KIF14: variants seen among roughly 807,000 people sequenced by gnomAD.
KIF14 encodes the protein kinesin family member 14.
In KIF14, 98 loss-of-function variants were observed where a neutral mutation model predicts 176.2. That is an observed-to-expected ratio of 0.56 (90% CI 0.47 to 0.66). The LOEUF is 0.66. KIF14 is among the 30% of genes least tolerant of loss of function. The pLI, the probability that KIF14 is intolerant of heterozygous loss-of-function variation, is 0.00. For missense variants in KIF14, 1,751 were observed against 1,920.4 expected, an observed-to-expected ratio of 0.91 and a Z score of 1.65; for synonymous variants, 566 against 632.2, an observed-to-expected ratio of 0.90 and a Z score of 1.57.
At chr1:200,554,647 G>A in intron 28 of KIF14, 41 bp from the exon 29 acceptor site, 3 of 1,020,312 alleles carry the variant, frequency 2.9e-6, no homozygotes, top group Non-Finnish European at 4.4e-6. Context: ...TACATTAACA[G>A]GCTCAATGGC....
intron 22 of KIF14, among the ~76,000 whole-genome samples, chr1:200,571,939 A>G (rs941712596): frequency 2.0e-5 from 3 of 152,230 alleles, no homozygotes; most frequent in Non-Finnish European, 4.4e-5. Flanking sequence ...TTAATTGTCA[A>G]CAGTATGTAT....
rs202228896 is a variant in KIF14 at position 200,583,229 on chromosome 1, T to TA, written c.3242-1936_3242-1935insT. Among the ~76,000 whole-genome samples, 949 of 152,056 alleles carry TA rather than the reference T, an allele frequency of 6.2e-3. 8 individuals are homozygous for TA. The highest frequency in any genetic ancestry group is 0.022 in the South Asian group (108 of 4,816). ...GATTCAAACAAATCAAGTTTTTTTT[T>TA]TAAAAAAAGGATGAAACAATCCAGG... On this transcript the variant is annotated intron_variant, in intron 19 of 29. Coordinates refer to ENST00000367350, the MANE Select transcript of KIF14 (RefSeq NM_014875.3).
At chr1:200,604,051 C>CT in intron 8 of KIF14, 96 bp from the exon 9 acceptor site, 1 of 729,538 alleles carries the variant, frequency 1.4e-6, no homozygotes, top group Non-Finnish European at 2.4e-6. Context: ...ACACATCACT[C>CT]TTTTATTTTT....
In KIF14 at chr1:200,618,413, A is replaced by G; in HGVS notation, c.311T>C (p.Val104Ala). The change falls in exon 2 of 30, where the codon GTT becomes GCT. Residue 104 changes from valine to alanine, a missense_variant. Coordinates refer to ENST00000367350, the MANE Select transcript of KIF14 (RefSeq NM_014875.3). ...TTCAGTTGTGTCTTCCAACTCACTA[A>G]CAAGCAAAGATGATTCTTTGTTCCT... Reference protein sequence around the residue: ...TTRNKESSLLVSELEDTTEKT... With the variant: ...TTRNKESSLLASELEDTTEKT... The G allele has an allele frequency of 6.2e-7, 1 of 1,614,162 alleles. No homozygotes were observed. Among genetic ancestry groups the G allele is most frequent in the Non-Finnish European group, 8.5e-7 (1 of 1,180,020 alleles).
At chr1:200,614,032 C>T (rs1035194916) in intron 4 of KIF14, among the ~76,000 whole-genome samples, 1 of 152,166 alleles carries the variant, frequency 6.6e-6, no homozygotes, top group Non-Finnish European at 1.5e-5. Flanking sequence ...CGTATAACAG[C>T]ACATAGCTAC....
chr1:200,608,915 A>C lies in KIF14; in HGVS notation c.1469T>G (p.Ile490Ser). The C allele has an allele frequency of 6.3e-7, 1 of 1,590,616 alleles. No homozygotes were observed. The highest frequency in any genetic ancestry group is 8.6e-7 in the Non-Finnish European group (1 of 1,159,482). The change falls in exon 5 of 30, where the codon ATT becomes AGT. Residue 490 changes from isoleucine (I) to serine (S), a missense_variant. By Grantham distance (142) the Ile-to-Ser change is moderately radical. Coordinates refer to ENST00000367350, the MANE Select transcript of KIF14 (RefSeq NM_014875.3). Reference sequence around the variant, plus strand: ...ATATACTTCAAAGAAGCTCATTTCAATGTGATAGCTGACCTAGTAGGAATA... The same window carrying C: ...ATATACTTCAAAGAAGCTCATTTCACTGTGATAGCTGACCTAGTAGGAATA... ...RKQTQEVSYHIEMSFFEVYNE... is the reference protein window; with the variant it reads ...RKQTQEVSYHSEMSFFEVYNE...
chr1:200,580,547 CAT>C (rs756412336), intron 20 of KIF14, among the ~76,000 whole-genome samples, 164 bp from the exon 21 acceptor site: 38 of 151,714 alleles, frequency 2.5e-4, no homozygotes, highest in Non-Finnish European at 5.2e-4. Flanking sequence ...AAGTATAAAA[CAT>C]ATAAAAATAA....
chr1:200,564,438 A>G (rs1476269426), intron 25 of KIF14, among the ~76,000 whole-genome samples: 1 of 152,166 alleles, frequency 6.6e-6, no homozygotes, highest in Non-Finnish European at 1.5e-5. Flanking sequence ...TCTGTGGATC[A>G]GAGCCACTGT....
chr1:200,612,881 C>CTTT (rs58120760), intron 4 of KIF14, among the ~76,000 whole-genome samples: 251 of 79,126 alleles, frequency 3.2e-3, no homozygotes, highest in African/African-American at 7.3e-3. Flanking sequence ...AGTTTATTCT[C>CTTT]TTTTTTTTTT....
chr1:200,595,190 C>A (rs1166018032), intron 14 of KIF14, among the ~76,000 whole-genome samples: 2 of 152,214 alleles, frequency 1.3e-5, no homozygotes, highest in East Asian at 3.8e-4. Context: ...AATTTAGAGT[C>A]CTCTAAGAAG....
At chr1:200,591,970 A>T in intron 16 of KIF14, 110 bp downstream of exon 16, 1 of 860,306 alleles carries the variant, frequency 1.2e-6, no homozygotes, top group South Asian at 1.9e-5. Context: ...AAATTATATC[A>T]CTAGAAACCA....
At chr1:200,608,752 C>T in intron 5 of KIF14, 78 bp downstream of exon 5, 1 of 817,214 alleles carries the variant, frequency 1.2e-6, no homozygotes, top group Non-Finnish European at 2.1e-6. Context: ...TAAGCTATAC[C>T]ATCCAGAGAA....
At chr1:200,596,561 CTTTT>C (rs60386347) in intron 14 of KIF14, among the ~76,000 whole-genome samples, 2 of 102,706 alleles carry the variant, frequency 1.9e-5, no homozygotes, top group Admixed American at 1.2e-4. Context: ...GTACAACAGT[CTTTT>C]TTTTTTTTTT....
chr1:200,567,323 C>T (rs1378550531), intron 23 of KIF14, among the ~76,000 whole-genome samples: 3 of 151,816 alleles, frequency 2.0e-5, no homozygotes, highest in South Asian at 2.1e-4. Flanking sequence ...AGGTGGATCA[C>T]GAGGTCAGGA....
At position 200,551,779 on chromosome 1, in the gene KIF14, C is replaced by T. The variant is rs373820081; in HGVS notation, c.*1609G>A. The stretch of plus-strand genomic sequence containing the variant: ...AAGTTCTTCAAAGAAGTGCACCTCC[C>T]GGGAAATCCTCATATGTACATCTAC... On this transcript the variant is annotated 3_prime_UTR_variant, in exon 30 of 30. Transcript: ENST00000367350. The T allele has an allele frequency of 1.3e-5, 2 of 152,060 alleles. No individual in the cohort carries two copies. The highest frequency in any genetic ancestry group is 2.9e-5 in the Non-Finnish European group (2 of 67,998). 9.4% of individuals were successfully genotyped at this position (152,060 alleles called of 1,614,324 possible). A position where few individuals can be genotyped will look rare whatever the true frequency, so the allele number is the denominator to read the frequency against.
intron 18 of KIF14, among the ~76,000 whole-genome samples, chr1:200,586,790 C>CATATATATATATATAT (rs10610890): frequency 3.7e-4 from 48 of 128,318 alleles, no homozygotes; most frequent in South Asian, 9.2e-4. Flanking sequence ...TATATACATA[C>CATATATATATATATAT]ATATATATAT....
rs188140261 is a variant in KIF14 at position 200,602,497 on chromosome 1, G to T, written c.1980-429C>A. ...AAAATCTTTATTTTAGAGAAAAAGA[G>T]TATGAGACTTAAAACATATATTAGT... On this transcript the variant is annotated intron_variant, in intron 10 of 29. Coordinates refer to ENST00000367350, the MANE Select transcript of KIF14 (RefSeq NM_014875.3). Among the ~76,000 whole-genome samples the T allele has an allele frequency of 1.9e-3, 291 of 152,270 alleles. 2 individuals are homozygous for T. The highest frequency in any genetic ancestry group is 3.2e-3 in the Non-Finnish European group (221 of 68,002).
intron 19 of KIF14, among the ~76,000 whole-genome samples, chr1:200,585,757 T>A (rs1658704107): frequency 6.6e-6 from 1 of 152,136 alleles, no homozygotes; most frequent in South Asian, 2.1e-4. Flanking sequence ...GCAATTTCTT[T>A]CACAGGGGCA....
In KIF14 at chr1:200,575,624, G is replaced by A. The variant is rs762558497; in HGVS notation, c.3533C>T (p.Thr1178Ile). 13 of 1,587,664 alleles carry A rather than the reference G, an allele frequency of 8.2e-6. No homozygotes were observed. The highest frequency in any genetic ancestry group is 1.2e-5 in the South Asian group (1 of 86,412). Residue 1178 changes from threonine to isoleucine, a missense_variant, in exon 22 of 30, where the codon ACA (threonine) becomes ATA (isoleucine). Coordinates refer to ENST00000367350, the MANE Select transcript of KIF14 (RefSeq NM_014875.3). ...DPEDEWEPDI[T>I]DAPVSSLSRR... ...AGAAAGTGAAGAAACTGGTGCATCT[G>A]TAATGTCGGGTTCCCATTCATCTTC...
Sources: allele counts gnomAD v4.1 joint callset (sites outside exome capture counted in the v4.1 genomes callset), GRCh38; gene constraint gnomAD v4.1.1; transcripts MANE v1.5; gene names NCBI Gene and HGNC (gene_info 2026-07-23, HGNC 2026-07-21).